The following SPNS2 variants were observed in gnomAD, a reference collection of about 807,000 sequenced individuals.
SPNS2 encodes the protein SPNS lysolipid transporter 2, sphingosine-1-phosphate.
A neutral mutation model predicts 57.6 loss-of-function variants in SPNS2; 37 were observed. That is an observed-to-expected ratio of 0.64 (90% CI 0.49 to 0.85). The LOEUF is 0.85. Among genes scored for constraint, SPNS2 ranks in the 40% least tolerant of loss-of-function variants. The pLI, the probability that SPNS2 is intolerant of heterozygous loss-of-function variation, is 0.00. For missense variants in SPNS2, 831 were observed against 779.1 expected, an observed-to-expected ratio of 1.07 and a Z score of -0.79; for synonymous variants, 440 against 346.9, an observed-to-expected ratio of 1.27 and a Z score of -2.98.
intron 2 of SPNS2, among the ~76,000 whole-genome samples, chr17:4,513,591 CTG>C (rs1030277535): frequency 1.9e-4 from 29 of 152,326 alleles, no homozygotes; most frequent in Middle Eastern, 3.4e-3. Context: ...TGAACTTTCT[CTG>C]GGTCCTGGGG....
At chr17:4,505,717 G>C (rs1342536192) in intron 1 of SPNS2, among the ~76,000 whole-genome samples, 1 of 152,216 alleles carries the variant, frequency 6.6e-6, no homozygotes, top group Non-Finnish European at 1.5e-5. Context: ...GGTGAGTGGG[G>C]CCACAGGGGA....
In SPNS2 at chr17:4,532,781, A is replaced by G. The variant is rs1264033973; in HGVS notation, c.935+97A>G. The G allele has an allele frequency of 2.7e-6, 4 of 1,490,946 alleles. No individual in the cohort carries two copies. In the Admixed American group the frequency reaches 5.7e-5, roughly 21 times the overall value. The allele number at this position is 1,490,946 out of a possible 1,614,324, so 92.4% of individuals were successfully genotyped here. On this transcript the variant is annotated intron_variant, in intron 6 of 12. Coordinates refer to ENST00000329078, the MANE Select transcript of SPNS2 (RefSeq NM_001124758.3). ...GCAGCCCACTAGCACCCTCAGCCAG[A>G]CACCCCACCTCTGCTGTCTCAGTGC...
chr17:4,531,780 C>T (rs117834382), intron 5 of SPNS2, among the ~76,000 whole-genome samples: 2,183 of 152,076 alleles, frequency 0.014, 20 homozygotes, highest in Non-Finnish European at 0.02. Context: ...GAGTGTTCTG[C>T]GGGGCTGGTG....
chr17:4,532,401 C>T (rs1473705224), intron 5 of SPNS2, 141 bp from the exon 6 acceptor site: 2 of 1,269,960 alleles, frequency 1.6e-6, no homozygotes, highest in Admixed American at 4.1e-5. Context: ...CTCAGCAGCC[C>T]AATTAGGAAG....
intron 3 of SPNS2, 51 bp from the exon 4 acceptor site, chr17:4,530,581 A>C (rs771506946): frequency 2.1e-5 from 33 of 1,575,988 alleles, no homozygotes; most frequent in Non-Finnish European, 1.7e-6. Flanking sequence ...AAGGGATGAC[A>C]GGCAGACGGT....
rs915951637 is a variant in SPNS2 at position 4,537,487 on chromosome 17, C to A, written c.*39C>A. 2.2e-6 allele frequency: 1 copy of A among 456,554 alleles called. No individual in the cohort carries two copies. The highest frequency in any genetic ancestry group is 2.0e-5 in the African/African-American group (1 of 50,114). The allele number at this position is 456,554 out of a possible 1,614,324, so 28.3% of individuals were successfully genotyped here. A position where few individuals can be genotyped will look rare whatever the true frequency, so the allele number is the denominator to read the frequency against. ...GGACAATGAAGAACCCACACTCCCA[C>A]CTCGTCTGGGAGGTGTCCTACAGCG... On this transcript the variant is annotated 3_prime_UTR_variant, in exon 13 of 13. Transcript: ENST00000329078.
At chr17:4,503,096 C>A (rs1375514686) in intron 1 of SPNS2, among the ~76,000 whole-genome samples, 1 of 152,192 alleles carries the variant, frequency 6.6e-6, no homozygotes, top group African/African-American at 2.4e-5. Flanking sequence ...TCCTTCCTTG[C>A]ACCTCCTTGC....
At chr17:4,514,839 G>A (rs1381392342) in intron 2 of SPNS2, among the ~76,000 whole-genome samples, 1 of 152,244 alleles carries the variant, frequency 6.6e-6, no homozygotes, top group East Asian at 1.9e-4. Context: ...GGGAAGGAGT[G>A]GGCTGCCAGG....
chr17:4,534,207 C>G (rs897867278), intron 9 of SPNS2, among the ~76,000 whole-genome samples: 4 of 152,192 alleles, frequency 2.6e-5, no homozygotes, highest in African/African-American at 4.8e-5. Flanking sequence ...AGGCTCTGCC[C>G]TCTCTACTCA....
chr17:4,502,061 A>G (rs1904527851), intron 1 of SPNS2, among the ~76,000 whole-genome samples: 1 of 152,198 alleles, frequency 6.6e-6, no homozygotes, highest in South Asian at 2.1e-4. Flanking sequence ...TATCCAACAT[A>G]TTTCAACATG....
rs888032713 is a variant in SPNS2, at chr17:4,530,590, G to A, written c.574-42G>A. 3.2e-6 allele frequency: 5 copies of A among 1,586,762 alleles called. No homozygotes were observed. The African/African-American group carries it at 4.0e-5, about 13-fold the overall frequency. On this transcript the variant is annotated intron_variant, in intron 3 of 12. Coordinates refer to ENST00000329078, the MANE Select transcript of SPNS2 (RefSeq NM_001124758.3). ...GGGAACAAGGGATGACAGGCAGACGGTGGGTAGTCGGTCCCCCAGCATCCT... is the reference window on the plus strand; with the variant it reads ...GGGAACAAGGGATGACAGGCAGACGATGGGTAGTCGGTCCCCCAGCATCCT...
rs144700672 is a variant in SPNS2 at position 4,508,984 on chromosome 17, C to T, written c.371-4263C>T. ...GGCAGCAGGAGGGATGCCGGCTGGCCGGCAGGGGCTGGAGGCAGGGAGTCC... is the reference window on the plus strand; with the variant it reads ...GGCAGCAGGAGGGATGCCGGCTGGCTGGCAGGGGCTGGAGGCAGGGAGTCC... On this transcript the variant is annotated intron_variant, in intron 1 of 12. Transcript: ENST00000329078. Among the ~76,000 whole-genome samples the T allele has an allele frequency of 3.7e-4, 57 of 152,148 alleles. No individual in the cohort carries two copies. The East Asian group carries it at 9.9e-3, about 27-fold the overall frequency.
At chr17:4,504,991 A>T (rs1904635031) in intron 1 of SPNS2, among the ~76,000 whole-genome samples, 1 of 152,160 alleles carries the variant, frequency 6.6e-6, no homozygotes, top group African/African-American at 2.4e-5. Flanking sequence ...GGACAACCAG[A>T]TCTGCTTCCC....
intron 1 of SPNS2, among the ~76,000 whole-genome samples, chr17:4,500,338 C>T (rs1279907123): frequency 6.6e-6 from 1 of 152,112 alleles, no homozygotes; most frequent in Non-Finnish European, 1.5e-5. Context: ...TTGGGGGACG[C>T]ACGTGGTTCT....
chr17:4,502,165 C>A (rs1280253509), intron 1 of SPNS2, among the ~76,000 whole-genome samples: 1 of 151,848 alleles, frequency 6.6e-6, no homozygotes, highest in Non-Finnish European at 1.5e-5. Flanking sequence ...CACCTGAGGT[C>A]GGAAGTTCGA....
chr17:4,525,039 G>A lies in SPNS2; in HGVS notation c.437-18G>A. On this transcript the variant is annotated intron_variant, in intron 2 of 12. Coordinates refer to ENST00000329078, the MANE Select transcript of SPNS2 (RefSeq NM_001124758.3). ...CGCAGGGACCTGGGCCCCCCCTCAA[G>A]CTCTCCTCTCCCTGCAGTGTTCATC... The A allele has an allele frequency of 6.2e-7, 1 of 1,610,366 alleles. No homozygotes were observed.
At chr17:4,532,168 GTCCATCTATCCGTCCATCCC>G (rs796345817) in intron 5 of SPNS2, among the ~76,000 whole-genome samples, 21 of 134,536 alleles carry the variant, frequency 1.6e-4, no homozygotes, top group African/African-American at 5.7e-4. Flanking sequence ...CTGTCCATCT[GTCCATCTATCCGTCCATCCC>G]TCCATCTATC....
Position 4,536,092 on chromosome 17 carries a change from C to A in SPNS2, c.1361C>A (p.Thr454Lys). 2 of 1,611,972 alleles carry A rather than the reference C, an allele frequency of 1.2e-6. No individual in the cohort carries two copies. The highest frequency in any genetic ancestry group is 1.7e-6 in the Non-Finnish European group (2 of 1,179,746). ...GTTCCGCAGTACGTGGTCATCCCCA[C>A]GCGGCGCGCCACTGCCGTGGCCTTG... is the stretch of plus-strand genomic sequence containing the variant. ...ADILMYVVIPTRRATAVALQS... is the reference protein window; with the variant it reads ...ADILMYVVIPKRRATAVALQS... The change falls in exon 10 of 13, where the codon ACG (threonine) becomes AAG (lysine). Residue 454 changes from threonine to lysine, a missense_variant. Thr to Lys is a moderately conservative substitution (Grantham distance 78, BLOSUM62 -1). Transcript: ENST00000329078.
At chr17:4,529,855 C>A (rs565234839) in intron 3 of SPNS2, among the ~76,000 whole-genome samples, 1 of 152,180 alleles carries the variant, frequency 6.6e-6, no homozygotes, top group South Asian at 2.1e-4. Context: ...CCAGGCAGCA[C>A]CTGCAGGCAC....
Sources: allele counts gnomAD v4.1 joint callset (sites outside exome capture counted in the v4.1 genomes callset), GRCh38; gene constraint gnomAD v4.1.1; transcripts MANE v1.5; gene names NCBI Gene and HGNC (gene_info 2026-07-23, HGNC 2026-07-21).